The following BTRC variants were observed in gnomAD, a reference collection of about 807,000 sequenced individuals.
BTRC encodes beta-transducin repeat containing E3 ubiquitin protein ligase.
A neutral mutation model predicts 85.5 loss-of-function variants in BTRC; 42 were observed. The observed-to-expected ratio is 0.49, with a 90% CI of 0.38 to 0.64. The LOEUF is 0.64. BTRC is among the 30% of genes least tolerant of loss of function. The pLI is 0.00. For missense variants in BTRC, 594 were observed against 743.5 expected, an observed-to-expected ratio of 0.80 and a Z score of 2.34; for synonymous variants, 255 against 263.3, an observed-to-expected ratio of 0.97 and a Z score of 0.30.
chr10:101,388,781 G>A (rs572715778), intron 1 of BTRC, among the ~76,000 whole-genome samples: 6 of 152,212 alleles, frequency 3.9e-5, no homozygotes, highest in Non-Finnish European at 8.8e-5. Flanking sequence ...ATGAGCGACT[G>A]CACCCAGCCC....
chr10:101,413,825 T>G (rs1232931980), intron 1 of BTRC, among the ~76,000 whole-genome samples: 1 of 152,240 alleles, frequency 6.6e-6, no homozygotes, highest in Non-Finnish European at 1.5e-5. Context: ...TGTTTTTTTA[T>G]ATACAGGATT....
chr10:101,403,984 A>ATGTGTGTGTGTG (rs1217692469), intron 1 of BTRC, among the ~76,000 whole-genome samples: 1 of 96,030 alleles, frequency 1.0e-5, no homozygotes, highest in Non-Finnish European at 2.2e-5. Flanking sequence ...AATCCTATCT[A>ATGTGTGTGTGTG]TGTGTATGTG....
At chr10:101,466,792 A>G (rs1395091703) in intron 3 of BTRC, among the ~76,000 whole-genome samples, 1 of 152,210 alleles carries the variant, frequency 6.6e-6, no homozygotes, top group Non-Finnish European at 1.5e-5. Flanking sequence ...TATAAAAGGA[A>G]CTACATAAGT....
At chr10:101,511,190 C>G (rs2061948266) in intron 4 of BTRC, among the ~76,000 whole-genome samples, 1 of 152,098 alleles carries the variant, frequency 6.6e-6, no homozygotes, top group Non-Finnish European at 1.5e-5. Context: ...ACCATTTTTC[C>G]TTAATTCCCA....
intron 13 of BTRC, among the ~76,000 whole-genome samples, chr10:101,544,220 T>A (rs906757911): frequency 7.2e-5 from 11 of 152,174 alleles, no homozygotes; most frequent in African/African-American, 2.2e-4. Flanking sequence ...TTTAAAGAAA[T>A]TTTTTAATGG....
At chr10:101,535,684 C>T (rs1233984874) in intron 11 of BTRC, among the ~76,000 whole-genome samples, 2 of 152,162 alleles carry the variant, frequency 1.3e-5, no homozygotes, top group Non-Finnish European at 1.5e-5. Context: ...TCCTGTCTAC[C>T]GTTGAAAAGT....
chr10:101,550,740 C>T lies in BTRC; in HGVS notation c.1698C>T (p.Phe566=). The change falls in exon 14 of 15, where the codon TTC becomes TTT. Residue 566 remains phenylalanine, a synonymous_variant. Transcript: ENST00000370187. ...TTTTTCGACTACAGTTTGATGAATT[C>T]CAGATTGTCAGTAGTTCACATGATG... ...GRVFRLQFDE[F]QIVSSSHDDT... The T allele has an allele frequency of 6.2e-7, 1 of 1,613,612 alleles. No individual in the cohort carries two copies. The highest frequency in any genetic ancestry group is 8.5e-7 in the Non-Finnish European group (1 of 1,179,682).
intron 4 of BTRC, among the ~76,000 whole-genome samples, chr10:101,512,721 G>A (rs1417826936): frequency 3.3e-5 from 5 of 152,170 alleles, no homozygotes; most frequent in Non-Finnish European, 7.3e-5. Flanking sequence ...ATATGTTTTC[G>A]GAGAGGAAAC....
In BTRC at chr10:101,456,013, C is replaced by CACACACACACACAG. The variant is rs1279383373; in HGVS notation, c.157-5963_157-5962insCACACACAGACACA. Among the ~76,000 whole-genome samples the CACACACACACACAG allele has an allele frequency of 2.0e-5, 3 of 150,716 alleles. No individual in the cohort carries two copies. The East Asian group carries it at 5.9e-4, about 30-fold the overall frequency. On this transcript the variant is annotated intron_variant, in intron 2 of 14. Coordinates refer to ENST00000370187, the MANE Select transcript of BTRC (RefSeq NM_033637.4). Reference sequence around the variant, plus strand: ...ACACACACACACACACACACACACACACACAAAATTAGCTGGGCATGGTGG... The same window carrying CACACACACACACAG: ...ACACACACACACACACACACACACACACACACACACACAGACACAAAATTAGCTGGGCATGGTGG...
intron 4 of BTRC, among the ~76,000 whole-genome samples, chr10:101,515,241 C>T (rs895722793): frequency 1.3e-5 from 2 of 152,210 alleles, no homozygotes; most frequent in Non-Finnish European, 2.9e-5. Context: ...CAGGTGTGAG[C>T]CACCACACCT....
At chr10:101,484,207 A>G (rs1025674036) in intron 4 of BTRC, among the ~76,000 whole-genome samples, 2 of 152,220 alleles carry the variant, frequency 1.3e-5, no homozygotes, top group Non-Finnish European at 2.9e-5. Context: ...ACTGAGACAG[A>G]AAAATGTGAT....
chr10:101,465,071 A>G (rs952797712), intron 3 of BTRC, among the ~76,000 whole-genome samples: 1 of 152,186 alleles, frequency 6.6e-6, no homozygotes, highest in African/African-American at 2.4e-5. Flanking sequence ...GCATATGACA[A>G]TAATGAAGTG....
intron 2 of BTRC, among the ~76,000 whole-genome samples, chr10:101,441,865 G>A (rs1306822052): frequency 5.1e-5 from 6 of 118,190 alleles, no homozygotes; most frequent in African/African-American, 1.7e-4. Flanking sequence ...CTGGGTGACA[G>A]AGTGAGACTG....
At chr10:101,464,794 T>C (rs2134179738) in intron 3 of BTRC, among the ~76,000 whole-genome samples, 2 of 152,312 alleles carry the variant, frequency 1.3e-5, no homozygotes, top group East Asian at 3.9e-4. Context: ...AGCAGCCCCA[T>C]GAATGCAGAT....
intron 3 of BTRC, among the ~76,000 whole-genome samples, chr10:101,465,465 A>T (rs566379738): frequency 2.0e-5 from 3 of 152,358 alleles, no homozygotes; most frequent in South Asian, 4.1e-4. Flanking sequence ...TCCTTGAAAA[A>T]TACAACTTAC....
At chr10:101,473,181 A>T (rs1004281430) in intron 3 of BTRC, among the ~76,000 whole-genome samples, 9 of 141,482 alleles carry the variant, frequency 6.4e-5, no homozygotes, top group East Asian at 4.2e-4. Context: ...TCTGTTCTTC[A>T]GTTTATATGA....
At position 101,554,423 on chromosome 10, in the gene BTRC, T is replaced by C. The variant is rs2062700185; in HGVS notation, c.*1300T>C. The stretch of plus-strand genomic sequence containing the variant: ...AAAACACTGTTTTTGTTTTTTTTGT[T>C]GTTTTGTTTTGTTTTGGCCAGTTAA... On this transcript the variant is annotated 3_prime_UTR_variant, in exon 15 of 15. Transcript: ENST00000370187. The C allele has an allele frequency of 1.3e-5, 2 of 152,492 alleles. No homozygotes were observed. The highest frequency in any genetic ancestry group is 4.1e-4 in the South Asian group (2 of 4,820). The allele number at this position is 152,492 out of a possible 1,614,324, so 9.4% of individuals were successfully genotyped here.
At chr10:101,411,035 G>A (rs1313582427) in intron 1 of BTRC, among the ~76,000 whole-genome samples, 14 of 132,966 alleles carry the variant, frequency 1.1e-4, no homozygotes, top group African/African-American at 2.6e-4. Flanking sequence ...TCACTCTGTC[G>A]CCCAGGCTAA....
At chr10:101,416,505 C>G (rs1943949519) in intron 1 of BTRC, among the ~76,000 whole-genome samples, 1 of 152,118 alleles carries the variant, frequency 6.6e-6, no homozygotes, top group Admixed American at 6.5e-5. Context: ...CTTCATTGTT[C>G]TGGTTCATGT....
Sources: gnomAD v4.1 joint callset for allele counts (sites outside exome capture counted in the v4.1 genomes callset) on GRCh38, gnomAD v4.1.1 for gene constraint, MANE v1.5 for transcripts, NCBI Gene and HGNC (gene_info 2026-07-23, HGNC 2026-07-21) for gene names.